Variants in BSPRY observed in about 807,000 individuals in gnomAD.
BSPRY encodes the protein B box and SPRY domain-containing protein.
A neutral mutation model predicts 38.0 loss-of-function variants in BSPRY; 33 were observed. The ratio of observed to expected loss-of-function variants is 0.87; its 90% confidence interval spans 0.66 to 1.16. BSPRY has a LOEUF of 1.16. Ranked by LOEUF, BSPRY falls within the 50% of genes most tolerant of loss-of-function variation. BSPRY has a pLI of 0.00. For synonymous variants in BSPRY, 224 were observed against 228.5 expected, an observed-to-expected ratio of 0.98 and a Z score of 0.18; for missense variants, 523 against 533.2, an observed-to-expected ratio of 0.98 and a Z score of 0.19.
At chr9:113,351,754 C>T (rs1366515209) in intron 1 of BSPRY, among the ~76,000 whole-genome samples, 1 of 151,844 alleles carries the variant, frequency 6.6e-6, no homozygotes, top group Admixed American at 6.6e-5. Flanking sequence ...TCTCTTTGGG[C>T]CTCAGCTTTC....
intron 4 of BSPRY, among the ~76,000 whole-genome samples, chr9:113,364,865 A>G (rs904161580): frequency 2.0e-5 from 3 of 151,996 alleles, no homozygotes; most frequent in Non-Finnish European, 4.4e-5. Context: ...ACTGTTGCCA[A>G]TTGTGCAAAA....
At position 113,354,272 on chromosome 9, in the gene BSPRY, G is replaced by T. The variant is rs1336474664; in HGVS notation, c.234G>T (p.Gln78His). 6.2e-7 allele frequency: 1 copy of T among 1,614,084 alleles called. No homozygotes were observed. Among genetic ancestry groups the T allele is most frequent in the African/African-American group, 1.3e-5 (1 of 74,924 alleles). The change falls in exon 2 of 6, where the codon CAG (glutamine) becomes CAT (histidine). Residue 78 changes from glutamine to histidine, a missense_variant. Physicochemically the swap from Gln to His is conservative, Grantham distance 24. Transcript: ENST00000374183. ...NKIVDQCERLQLQSAAITKYV... is the reference protein window; with the variant it reads ...NKIVDQCERLHLQSAAITKYV... ...TTGTGGACCAGTGTGAGAGGCTGCA[G>T]TTACAGAGTGCTGCCATCACCAAGT... is the stretch of plus-strand genomic sequence containing the variant.
rs147307921 is a variant in BSPRY, at chr9:113,369,553, C to T, written c.683-63C>T. 9,598 of 1,515,186 alleles carry T rather than the reference C, an allele frequency of 6.3e-3. 30 individuals carry two copies. Among genetic ancestry groups the T allele is most frequent in the Middle Eastern group, 0.01 (58 of 5,640 alleles). The allele number at this position is 1,515,186 out of a possible 1,614,324, so 93.9% of individuals were successfully genotyped here. A position where few individuals can be genotyped will look rare whatever the true frequency, so the allele number is the denominator to read the frequency against. On this transcript the variant is annotated intron_variant, in intron 5 of 5. Transcript: ENST00000374183. Reference sequence around the variant, plus strand: ...GTGAGTGGTGAGGAACCTTTTGCTACCTGGCAGGACCAGGTTAGGGCAGGG... The same window carrying T: ...GTGAGTGGTGAGGAACCTTTTGCTATCTGGCAGGACCAGGTTAGGGCAGGG...
intron 2 of BSPRY, among the ~76,000 whole-genome samples, chr9:113,357,080 G>A (rs940155243): frequency 3.3e-5 from 5 of 152,120 alleles, no homozygotes; most frequent in African/African-American, 1.2e-4. Context: ...AAGAGCAGCG[G>A]TCCAAAGACT....
chr9:113,368,005 A>T (rs567861480), intron 4 of BSPRY, among the ~76,000 whole-genome samples: 3 of 151,950 alleles, frequency 2.0e-5, no homozygotes, highest in Non-Finnish European at 4.4e-5. Context: ...TAATTTTTAA[A>T]TTTTTTGTAG....
chr9:113,352,078 T>C (rs1232454373), intron 1 of BSPRY, among the ~76,000 whole-genome samples: 1 of 152,190 alleles, frequency 6.6e-6, no homozygotes, highest in Non-Finnish European at 1.5e-5. Flanking sequence ...CCCAAAGTGT[T>C]GGGATTACAG....
intron 1 of BSPRY, among the ~76,000 whole-genome samples, chr9:113,352,100 C>T (rs899285657): frequency 1.3e-5 from 2 of 152,158 alleles, no homozygotes; most frequent in South Asian, 2.1e-4. Flanking sequence ...TGTGAGCCAC[C>T]GTGCCCGGCC....
At chr9:113,360,379 C>T (rs1044818795) in intron 2 of BSPRY, 128 bp from the exon 3 acceptor site, 3 of 845,364 alleles carry the variant, frequency 3.5e-6, no homozygotes, top group South Asian at 3.4e-5. Flanking sequence ...GCTATTATTT[C>T]CATTACTAAG....
chr9:113,368,363 C>T lies in BSPRY; in HGVS notation c.662C>T (p.Ala221Val), dbSNP rs1016505275. 1.2e-5 allele frequency: 19 copies of T among 1,613,998 alleles called. No individual in the cohort carries two copies. The highest frequency in any genetic ancestry group is 1.7e-5 in the Admixed American group (1 of 59,988). ...SPLLTQLWAT[A>V]VLGSLSGTED... ...CTACTGACCCAACTCTGGGCAACGGCGGTTCTTGGGTCTCTCTCAGGTTAG... is the reference window on the plus strand; with the variant it reads ...CTACTGACCCAACTCTGGGCAACGGTGGTTCTTGGGTCTCTCTCAGGTTAG... The change falls in exon 5 of 6, where the codon GCG becomes GTG. Residue 221 changes from alanine (A) to valine (V), a missense_variant. Ala to Val is a moderately conservative substitution (Grantham distance 64, BLOSUM62 0). Transcript: ENST00000374183.
In BSPRY at chr9:113,369,467, AC is replaced by A. The variant is rs1834303724; in HGVS notation, c.683-144del. 7.9e-6 allele frequency: 6 copies of A among 758,706 alleles called. No individual in the cohort carries two copies. The South Asian group carries it at 1.1e-4, about 14-fold the overall frequency. 47.0% of individuals were successfully genotyped at this position (758,706 alleles called of 1,614,324 possible). A position where few individuals can be genotyped will look rare whatever the true frequency, so the allele number is the denominator to read the frequency against. On this transcript the variant is annotated intron_variant, in intron 5 of 5. Transcript: ENST00000374183. Reference sequence around the variant, plus strand: ...TCACCCAGTGAGAAGTCCTATTTTGACCCCCGTTTTGCAGACAAGGCTCAGA... The same window carrying A: ...TCACCCAGTGAGAAGTCCTATTTTGACCCCGTTTTGCAGACAAGGCTCAGA...
intron 4 of BSPRY, among the ~76,000 whole-genome samples, chr9:113,365,727 AAG>A (rs572879046): frequency 8.8e-6 from 1 of 113,014 alleles, no homozygotes; most frequent in African/African-American, 3.5e-5. Context: ...GGAAGGGAGA[AAG>A]AGAAAGAGAG....
Position 113,349,671 on chromosome 9 carries a change from G to A in BSPRY, c.92G>A (p.Trp31Ter), listed in dbSNP as rs1230369450. ...LCPEHGQALS[W>*]FCGSERRPVC... ...CCCGAACACGGCCAGGCTCTGAGCT[G>A]GTTCTGCGGCTCCGAGCGACGGCCC... The change falls in exon 1 of 6, where the codon TGG becomes TAG. Residue 31 changes from tryptophan to a stop codon, truncating the protein, a stop_gained. Coordinates refer to ENST00000374183, the MANE Select transcript of BSPRY (RefSeq NM_017688.3). LOFTEE classifies it high-confidence loss of function. The A allele has an allele frequency of 1.6e-6, 2 of 1,242,640 alleles. No homozygotes were observed. Among genetic ancestry groups the A allele is most frequent in the African/African-American group, 1.6e-5 (1 of 63,872 alleles). 77.0% of individuals were successfully genotyped at this position (1,242,640 alleles called of 1,614,324 possible). A position where few individuals can be genotyped will look rare whatever the true frequency, so the allele number is the denominator to read the frequency against.
chr9:113,360,794 A>T (rs1423105812), intron 3 of BSPRY, 57 bp downstream of exon 3: 2 of 1,357,702 alleles, frequency 1.5e-6, no homozygotes, highest in Non-Finnish European at 2.0e-6. Flanking sequence ...AAAAGCCTGA[A>T]AATATCGAGA....
intron 4 of BSPRY, among the ~76,000 whole-genome samples, chr9:113,365,492 C>T (rs539514482): frequency 9.2e-5 from 14 of 152,294 alleles, no homozygotes; most frequent in African/African-American, 3.4e-4. Flanking sequence ...GAAAAGTTCC[C>T]ATCATTCTTT....
In BSPRY at chr9:113,370,203, A is replaced by G; in HGVS notation, c.*61A>G. 6.7e-7 allele frequency: 1 copy of G among 1,498,314 alleles called. No homozygotes were observed. Among genetic ancestry groups the G allele is most frequent in the South Asian group, 1.3e-5 (1 of 74,510 alleles). The allele number at this position is 1,498,314 out of a possible 1,614,324, so 92.8% of individuals were successfully genotyped here. The stretch of plus-strand genomic sequence containing the variant: ...ACCCTTTCAGGCCATGTTTCTACTC[A>G]GTGTGCTTTTCCCAAATGATGTGTG... On this transcript the variant is annotated 3_prime_UTR_variant, in exon 6 of 6. Transcript: ENST00000374183. The surrounding 1 kb of genome is among the most constrained non-coding windows in gnomAD (Gnocchi z 4.8).
At chr9:113,369,496 G>C (rs1834304275) in intron 5 of BSPRY, 120 bp from the exon 6 acceptor site, 1 of 1,017,134 alleles carries the variant, frequency 9.8e-7, no homozygotes, top group African/African-American at 1.6e-5. Flanking sequence ...GGCTCAGAGA[G>C]AGTAAATGGC....
At chr9:113,358,046 G>A (rs1244546778) in intron 2 of BSPRY, among the ~76,000 whole-genome samples, 3 of 147,126 alleles carry the variant, frequency 2.0e-5, no homozygotes, top group Admixed American at 1.4e-4. Flanking sequence ...CCAGGAGTTC[G>A]AGACTGTTTT....
At chr9:113,352,773 G>A (rs1833992516) in intron 1 of BSPRY, among the ~76,000 whole-genome samples, 1 of 152,160 alleles carries the variant, frequency 6.6e-6, no homozygotes, top group Non-Finnish European at 1.5e-5. Context: ...GGGGGGTTGG[G>A]GGTGCAGGGT....
chr9:113,368,329 C>T lies in BSPRY; in HGVS notation c.628C>T (p.Arg210Trp), dbSNP rs141624715. Residue 210 changes from arginine to tryptophan, a missense_variant, in exon 5 of 6, where the codon CGG becomes TGG. Transcript: ENST00000374183. ...EMLNFNEKCTRSPLLTQLWAT... is the reference protein window; with the variant it reads ...EMLNFNEKCTWSPLLTQLWAT... ...GTTAAACTTTAATGAGAAGTGCACT[C>T]GGAGCCCACTACTGACCCAACTCTG... 2.1e-4 allele frequency: 331 copies of T among 1,614,132 alleles called. 3 individuals are homozygous for T. The African/African-American group carries it at 4.0e-3, about 19-fold the overall frequency.
Sources: gnomAD v4.1 joint callset for allele counts (sites outside exome capture counted in the v4.1 genomes callset) on GRCh38, gnomAD v4.1.1 for gene constraint, Gnocchi (gnomAD v3.1) non-coding constraint, MANE v1.5 for transcripts, NCBI Gene and HGNC (gene_info 2026-07-23, HGNC 2026-07-21) for gene names.